Variants in BICRA observed in about 807,000 individuals in gnomAD.
BICRA encodes BRD4 interacting chromatin remodeling complex associated protein.
In BICRA, 31 loss-of-function variants were observed where a neutral mutation model predicts 96.9. The ratio of observed to expected loss-of-function variants is 0.32; its 90% CI spans 0.24 to 0.43. The LOEUF (loss-of-function observed/expected upper bound fraction) is 0.43, where lower values mean the gene tolerates loss of function less well. Ranked by LOEUF, BICRA falls within the 20% of genes least tolerant of loss-of-function variation. BICRA has a pLI of 1.00. For missense variants in BICRA, 2,283 were observed against 2,190.3 expected (o/e 1.04, Z -0.84); for synonymous variants, 1,350 against 1,071.8 (o/e 1.26, Z -5.07).
intron 10 of BICRA, among the ~76,000 whole-genome samples, chr19:47,696,061 G>A (rs188950619): frequency 9.9e-5 from 15 of 152,124 alleles, no homozygotes; most frequent in Admixed American, 3.3e-4. Flanking sequence ...GAAGGGAGGC[G>A]GGGGGGCGAA....
chr19:47,641,309 T>C (rs1972383160), intron 1 of BICRA, among the ~76,000 whole-genome samples: 2 of 152,132 alleles, frequency 1.3e-5, no homozygotes, highest in Admixed American at 6.5e-5. Context: ...ATTTGATAAA[T>C]GTGTACCATT....
At chr19:47,618,068 C>T (rs1972010907) in intron 1 of BICRA, among the ~76,000 whole-genome samples, 1 of 152,120 alleles carries the variant, frequency 6.6e-6, no homozygotes, top group African/African-American at 2.4e-5. Flanking sequence ...TGGTGAATTC[C>T]CTGTCTTGGC....
At chr19:47,691,715 C>T (rs962379997) in intron 7 of BICRA, among the ~76,000 whole-genome samples, 8 of 152,034 alleles carry the variant, frequency 5.3e-5, no homozygotes, top group South Asian at 2.1e-4. Context: ...AGGCACACAT[C>T]GCACCCTGCT....
chr19:47,681,500 A>G (rs2914436), intron 6 of BICRA, among the ~76,000 whole-genome samples: 68,277 of 151,916 alleles, frequency 0.45, 15,785 homozygotes, highest in East Asian at 0.67. Flanking sequence ...ACTGATAGAC[A>G]AGGGGCAGGA....
In BICRA at chr19:47,698,053, G is replaced by A. The variant is rs1312676053; in HGVS notation, c.3249-581G>A. Reference sequence around the variant, plus strand: ...CTCAGTGCCCAGGCCTGAGCCCCATGTTGGGAACACAGGAGTAAGTGACAC... The same window carrying A: ...CTCAGTGCCCAGGCCTGAGCCCCATATTGGGAACACAGGAGTAAGTGACAC... On this transcript the variant is annotated intron_variant, in intron 11 of 14. Coordinates refer to ENST00000594866, the MANE Select transcript of BICRA (RefSeq NM_001394372.1). The surrounding 1 kb of genome is among the most constrained non-coding windows in gnomAD (Gnocchi z 4.8). Among the ~76,000 whole-genome samples, 1 of 152,168 alleles carries A rather than the reference G, an allele frequency of 6.6e-6. No individual in the cohort carries two copies. Among genetic ancestry groups the A allele is most frequent in the Non-Finnish European group, 1.5e-5 (1 of 68,028 alleles).
intron 1 of BICRA, among the ~76,000 whole-genome samples, chr19:47,615,532 T>C (rs1341800516): frequency 6.6e-6 from 1 of 152,218 alleles, no homozygotes; most frequent in African/African-American, 2.4e-5. Flanking sequence ...ATTTGCTGGC[T>C]GAATGGCTGT....
chr19:47,694,540 A>G lies in BICRA; in HGVS notation c.2709A>G (p.Pro903=), dbSNP rs1008455667. Residue 903 remains proline (P), a synonymous_variant, in exon 8 of 15, where the codon CCA becomes CCG. Coordinates refer to ENST00000594866, the MANE Select transcript of BICRA (RefSeq NM_001394372.1). ...CCTCCAGGTTGCCAGCCCCTACGCC[A>G]TCCGACTTCCAGCTCCAGTTCCCAC... is the stretch of plus-strand genomic sequence containing the variant. ...ETSSRLPAPT[P]SDFQLQFPPS... is the part of the protein sequence containing the mutation. 2.2e-6 allele frequency: 3 copies of G among 1,393,198 alleles called. No homozygotes were observed. The highest frequency in any genetic ancestry group is 2.3e-5 in the South Asian group (2 of 87,658). 86.3% of individuals were successfully genotyped at this position (1,393,198 alleles called of 1,614,324 possible).
rs755964864 is a variant in BICRA at position 47,673,574 on chromosome 19, G to A, written c.-1G>A. On this transcript the variant is annotated 5_prime_UTR_variant, in exon 3 of 15. Coordinates refer to ENST00000594866, the MANE Select transcript of BICRA (RefSeq NM_001394372.1). ...TCCTGACCCCACCCCATCCAGTGGC[G>A]ATGGATGATGAGGATGGGAGATGCT... The A allele has an allele frequency of 6.8e-6, 11 of 1,611,872 alleles. No homozygotes were observed. The South Asian group carries it at 8.8e-5, about 13-fold the overall frequency.
Position 47,679,731 on chromosome 19 carries a change from G to C in BICRA, c.561G>C (p.Val187=). The part of the protein sequence containing the change: ...THQALVPPQD[V]VNKALSVQPF... ...AGGCCCTGGTGCCGCCCCAGGACGT[G>C]GTCAACAAGGCCCTGAGTGTGCAGC... The change falls in exon 6 of 15, where the codon GTG becomes GTC. Residue 187 remains valine (V), a synonymous_variant. Transcript: ENST00000594866. 1 of 1,537,648 alleles carries C rather than the reference G, an allele frequency of 6.5e-7. No individual in the cohort carries two copies. Among genetic ancestry groups the C allele is most frequent in the Non-Finnish European group, 8.7e-7 (1 of 1,143,136 alleles).
At chr19:47,693,494 G>C (rs927985329) in intron 7 of BICRA, among the ~76,000 whole-genome samples, 2 of 152,222 alleles carry the variant, frequency 1.3e-5, no homozygotes, top group African/African-American at 4.8e-5. Context: ...CCCGCATCCA[G>C]AGGTCCACAC....
At chr19:47,619,478 C>T (rs894544761) in intron 1 of BICRA, among the ~76,000 whole-genome samples, 29 of 152,164 alleles carry the variant, frequency 1.9e-4, no homozygotes, top group African/African-American at 5.3e-4. Context: ...AGGCTGGTCT[C>T]GAACTCCTGA....
In BICRA at chr19:47,694,220, ACCCGGCCCCCTTCCCGCCCACCCT is replaced by A; in HGVS notation, c.2397_2420del (p.Pro800_Pro807del). The A allele has an allele frequency of 8.2e-6, 2 of 245,354 alleles. No individual in the cohort carries two copies. Among genetic ancestry groups the A allele is most frequent in the Non-Finnish European group, 1.0e-5 (2 of 194,654 alleles). 15.2% of individuals were successfully genotyped at this position (245,354 alleles called of 1,614,324 possible). The stretch of plus-strand genomic sequence containing the variant: ...CCCCCACCTGCCCTCCCCACACCCC[ACCCGGCCCCCTTCCCGCCCACCCT>A]CCCGGCCACAGAGTGTGTCCCGCCC... On this transcript the variant is annotated inframe_deletion, in exon 8 of 15. Transcript: ENST00000594866.
At chr19:47,625,703 A>G (rs1174566138) in intron 1 of BICRA, among the ~76,000 whole-genome samples, 2 of 152,060 alleles carry the variant, frequency 1.3e-5, no homozygotes, top group Admixed American at 1.3e-4. Flanking sequence ...AGGAGGTGGT[A>G]CTGGGTTGGG....
intron 1 of BICRA, among the ~76,000 whole-genome samples, chr19:47,648,457 A>G (rs1972494638): frequency 6.6e-6 from 1 of 151,940 alleles, no homozygotes; most frequent in Non-Finnish European, 1.5e-5. Context: ...GGAGCCAGGC[A>G]GGAGCTAAGA....
intron 7 of BICRA, 137 bp downstream of exon 7, chr19:47,682,289 C>T (rs139203849): frequency 1.8e-6 from 1 of 556,862 alleles, no homozygotes; most frequent in Non-Finnish European, 3.2e-6. Flanking sequence ...CCTTCACCCC[C>T]CAAGTGTCTC....
Position 47,702,371 on chromosome 19 carries a change from T to A in BICRA, c.4639T>A (p.Ser1547Thr). 1 of 1,522,990 alleles carries A rather than the reference T, an allele frequency of 6.6e-7. No homozygotes were observed. The highest frequency in any genetic ancestry group is 8.7e-7 in the Non-Finnish European group (1 of 1,145,920). 94.3% of individuals were successfully genotyped at this position (1,522,990 alleles called of 1,614,324 possible). The change falls in exon 15 of 15, where the codon TCC becomes ACC. Residue 1547 changes from serine to threonine, a missense_variant. Coordinates refer to ENST00000594866, the MANE Select transcript of BICRA (RefSeq NM_001394372.1). ...GCACAGGCCCGAGGCCTACCCACCCTCCAGTCACAACGGTGGCCTCGGCGC... is the reference window on the plus strand; with the variant it reads ...GCACAGGCCCGAGGCCTACCCACCCACCAGTCACAACGGTGGCCTCGGCGC... ...PLHRPEAYPP[S>T]SHNGGLGART...
chr19:47,619,421 G>T (rs930650689), intron 1 of BICRA, among the ~76,000 whole-genome samples: 12 of 151,852 alleles, frequency 7.9e-5, no homozygotes, highest in African/African-American at 2.7e-4. Flanking sequence ...ACCACGCCCG[G>T]TTAGTTTTTG....
intron 1 of BICRA, among the ~76,000 whole-genome samples, chr19:47,629,077 C>G (rs1015859503): frequency 6.6e-6 from 1 of 152,180 alleles, no homozygotes; most frequent in African/African-American, 2.4e-5. Context: ...TCTCGGCTCA[C>G]TGCAAGCTCC....
rs763729836 is a variant in BICRA, at chr19:47,694,892, C to T, written c.2896-8C>T. On this transcript the variant is annotated splice_region_variant and splice_polypyrimidine_tract_variant and intron_variant, in intron 8 of 14. Coordinates refer to ENST00000594866, the MANE Select transcript of BICRA (RefSeq NM_001394372.1). ...TCCCCACCCCTCATCCACCTGTCCC[C>T]TCCTCAGGTGCCGTCCGGAATCATC... 32 of 1,506,026 alleles carry T rather than the reference C, an allele frequency of 2.1e-5. No homozygotes were observed. The highest frequency in any genetic ancestry group is 2.8e-5 in the Non-Finnish European group (32 of 1,132,758). 93.3% of individuals were successfully genotyped at this position (1,506,026 alleles called of 1,614,324 possible).
Sources: allele counts gnomAD v4.1 joint callset (sites outside exome capture counted in the v4.1 genomes callset), GRCh38; gene constraint gnomAD v4.1.1; non-coding constraint Gnocchi (gnomAD v3.1); transcripts MANE v1.5; gene names NCBI Gene and HGNC (gene_info 2026-07-23, HGNC 2026-07-21).